SLC16A6: variants seen among roughly 807,000 people sequenced by gnomAD.
SLC16A6 encodes monocarboxylate transporter 7.
A neutral mutation model predicts 33.8 loss-of-function variants in SLC16A6; 15 were observed. The ratio of observed to expected loss-of-function variants is 0.44; its 90% CI spans 0.30 to 0.68. The LOEUF is 0.68. Among genes scored for constraint, SLC16A6 ranks in the 30% least tolerant of loss-of-function variants. SLC16A6 has a pLI of 0.10. For missense variants in SLC16A6, 451 were observed against 661.5 expected (o/e 0.68, Z 3.49); for synonymous variants, 219 against 248.4 (o/e 0.88, Z 1.11).
intron 1 of SLC16A6, among the ~76,000 whole-genome samples, chr17:68,285,868 C>A (rs1200372129): frequency 6.6e-6 from 1 of 151,882 alleles, no homozygotes; most frequent in East Asian, 1.9e-4. Flanking sequence ...TCAAGCAATT[C>A]TTTGCGTCAG....
At position 68,271,771 on chromosome 17, in the gene SLC16A6, T is replaced by G. The variant is rs2075347833; in HGVS notation, c.506-117A>C. The G allele has an allele frequency of 1.4e-6, 1 of 739,162 alleles. No individual in the cohort carries two copies. Among genetic ancestry groups the G allele is most frequent in the Non-Finnish European group, 2.2e-6 (1 of 450,888 alleles). The allele number at this position is 739,162 out of a possible 1,614,324, so 45.8% of individuals were successfully genotyped here. ...ATTTTGTTATAAGTTCTGTGGAAAT[T>G]TATTATACTCAGCAGTATGAATGTA... On this transcript the variant is annotated intron_variant, in intron 4 of 5. Coordinates refer to ENST00000580666, the MANE Select transcript of SLC16A6 (RefSeq NM_004694.5). This position sits in a 1 kb window ranked among gnomAD's most constrained non-coding sequence, Gnocchi z 5.3.
chr17:68,271,366 A>C lies in SLC16A6; in HGVS notation c.794T>G (p.Met265Arg), dbSNP rs782651895. Residue 265 changes from methionine to arginine, a missense_variant, in exon 5 of 6, where the codon ATG (methionine) becomes AGG (arginine). Physicochemically the swap from Met to Arg is moderately conservative, Grantham distance 91. This residue lies in a region of SLC16A6 where 405 missense variants were observed against 510.7 expected (regional missense o/e 0.79). Coordinates refer to ENST00000580666, the MANE Select transcript of SLC16A6 (RefSeq NM_004694.5). This position sits in a 1 kb window ranked among gnomAD's most constrained non-coding sequence, Gnocchi z 5.3. The part of the protein sequence containing the change: ...TNLELEPKAD[M>R]QQVLVKTSPR... Reference sequence around the variant, plus strand: ...GCTGGTCTTCACCAGGACCTGCTGCATGTCGGCCTTCGGCTCCAGTTCCAG... The same window carrying C: ...GCTGGTCTTCACCAGGACCTGCTGCCTGTCGGCCTTCGGCTCCAGTTCCAG... 1 of 1,614,138 alleles carries C rather than the reference A, an allele frequency of 6.2e-7. No individual in the cohort carries two copies. The highest frequency in any genetic ancestry group is 8.5e-7 in the Non-Finnish European group (1 of 1,180,064).
chr17:68,284,672 A>G (rs1301965825), intron 1 of SLC16A6, among the ~76,000 whole-genome samples: 3 of 152,238 alleles, frequency 2.0e-5, no homozygotes, highest in Non-Finnish European at 4.4e-5. Flanking sequence ...CTTAAAAAGC[A>G]GCAAATCTGA....
chr17:68,287,953 T>C (rs183208128), intron 1 of SLC16A6, among the ~76,000 whole-genome samples: 1 of 146,228 alleles, frequency 6.8e-6, no homozygotes. Flanking sequence ...CTCTCTCTCT[T>C]TCTCTCTCTC....
chr17:68,289,468 G>A (rs187719531), intron 1 of SLC16A6, among the ~76,000 whole-genome samples: 39 of 152,280 alleles, frequency 2.6e-4, no homozygotes, highest in African/African-American at 7.5e-4. Flanking sequence ...GTTTCAAAAC[G>A]CAGGCTCTGG....
At chr17:68,281,467 C>T (rs1599544138) in intron 1 of SLC16A6, among the ~76,000 whole-genome samples, 2 of 151,668 alleles carry the variant, frequency 1.3e-5, no homozygotes, top group African/African-American at 2.4e-5. Context: ...CCCAGCTACT[C>T]GCGAGGCTGA....
chr17:68,270,569 A>AC lies in SLC16A6; in HGVS notation c.1321+269_1321+270insG, dbSNP rs1405255613. On this transcript the variant is annotated intron_variant, in intron 5 of 5. Transcript: ENST00000580666. ...ACTCCATCTCAAAAAAAAAAAAAAA[A>AC]GGCCAGGGTCAATCTGGACTACAGA... is the stretch of plus-strand genomic sequence containing the variant. Among the ~76,000 whole-genome samples, 281 of 151,448 alleles carry AC rather than the reference A, an allele frequency of 1.9e-3. 1 individual carries two copies. The highest frequency in any genetic ancestry group is 6.5e-3 in the African/African-American group (270 of 41,318).
chr17:68,274,751 T>C (rs2075455904), intron 2 of SLC16A6, among the ~76,000 whole-genome samples: 1 of 151,498 alleles, frequency 6.6e-6, no homozygotes, highest in Non-Finnish European at 1.5e-5. Context: ...TTTAAAAAGC[T>C]CCATTTGGGG....
chr17:68,273,065 T>C (rs73998070), intron 3 of SLC16A6, among the ~76,000 whole-genome samples: 3 of 151,986 alleles, frequency 2.0e-5, no homozygotes, highest in Admixed American at 2.0e-4. Flanking sequence ...TGCATGAAAT[T>C]TTATATAAGA....
rs1364933430 is a variant in SLC16A6, at chr17:68,269,070, A to C, written c.*26T>G. On this transcript the variant is annotated 3_prime_UTR_variant, in exon 6 of 6. Transcript: ENST00000580666. Reference sequence around the variant, plus strand: ...CACCCCATCCCTCTCCAGCCAACACAGTGGCTGTTGTTGTAAGAAAGTGTG... The same window carrying C: ...CACCCCATCCCTCTCCAGCCAACACCGTGGCTGTTGTTGTAAGAAAGTGTG... 1 of 1,578,474 alleles carries C rather than the reference A, an allele frequency of 6.3e-7. No homozygotes were observed. Among genetic ancestry groups the C allele is most frequent in the African/African-American group, 1.4e-5 (1 of 73,276 alleles).
At chr17:68,275,234 T>A (rs1555750516) in intron 2 of SLC16A6, among the ~76,000 whole-genome samples, 1 of 152,210 alleles carries the variant, frequency 6.6e-6, no homozygotes, top group African/African-American at 2.4e-5. Context: ...CAAATTAGTT[T>A]CCTAGTTATA....
intron 1 of SLC16A6, among the ~76,000 whole-genome samples, chr17:68,282,283 A>G (rs1218882827): frequency 2.6e-5 from 4 of 151,886 alleles, no homozygotes; most frequent in Admixed American, 2.6e-4. Flanking sequence ...GTTCTCACTC[A>G]TAGGTGGGAA....
intron 1 of SLC16A6, among the ~76,000 whole-genome samples, chr17:68,287,836 G>A (rs1174843681): frequency 6.6e-6 from 1 of 152,060 alleles, no homozygotes; most frequent in Non-Finnish European, 1.5e-5. Context: ...TCATGCACAG[G>A]TCTTTCCTTA....
At chr17:68,277,855 A>G (rs2075574203) in intron 2 of SLC16A6, among the ~76,000 whole-genome samples, 1 of 152,182 alleles carries the variant, frequency 6.6e-6, no homozygotes, top group Non-Finnish European at 1.5e-5. Context: ...TGTTTAATAC[A>G]TGTGTGTTAA....
At chr17:68,280,911 G>A (rs2075674024) in intron 1 of SLC16A6, among the ~76,000 whole-genome samples, 1 of 152,080 alleles carries the variant, frequency 6.6e-6, no homozygotes, top group Non-Finnish European at 1.5e-5. Flanking sequence ...GATTACCTGA[G>A]CTAAGGCGTT....
In SLC16A6 at chr17:68,272,718, T is replaced by C. The variant is rs2075381932; in HGVS notation, c.426A>G (p.Gln142=). ...CTATGGAACGTCTTTTGCCAAAATA[T>C]TGTGATAGGATGGTTACAGTTGGGA... ...SFLPTVTILS[Q]YFGKRRSIVT... The change falls in exon 4 of 6, where the codon CAA becomes CAG. Residue 142 remains glutamine, a synonymous_variant. Transcript: ENST00000580666. The C allele has an allele frequency of 1.2e-6, 2 of 1,614,062 alleles. No individual in the cohort carries two copies. The highest frequency in any genetic ancestry group is 1.1e-5 in the South Asian group (1 of 91,080).
chr17:68,289,645 A>T (rs559703717), intron 1 of SLC16A6, among the ~76,000 whole-genome samples: 100 of 152,278 alleles, frequency 6.6e-4, no homozygotes, highest in African/African-American at 2.0e-3. Context: ...TTCTCTATTT[A>T]AAAAAAATTT....
rs1555749342 is a variant in SLC16A6, at chr17:68,272,636, T to C, written c.505+3A>G. ...CATACTTAGGCTGTTGTAGTCCACC[T>C]ACCTGGTGCGAAAGCAAACACAGCG... On this transcript the variant is annotated splice_donor_region_variant and intron_variant, in intron 4 of 5. Transcript: ENST00000580666. The C allele has an allele frequency of 1.2e-6, 2 of 1,613,898 alleles. No individual in the cohort carries two copies. Among genetic ancestry groups the C allele is most frequent in the East Asian group, 2.2e-5 (1 of 44,876 alleles).
intron 1 of SLC16A6, among the ~76,000 whole-genome samples, chr17:68,283,411 C>G (rs1281046986): frequency 6.6e-6 from 1 of 152,022 alleles, no homozygotes; most frequent in African/African-American, 2.4e-5. Context: ...GTCCCAGCTA[C>G]TCCGGAGGCT....
Sources: allele counts gnomAD v4.1 joint callset (sites outside exome capture counted in the v4.1 genomes callset), GRCh38; gene constraint gnomAD v4.1.1; regional missense constraint gnomAD v4.1.1; non-coding constraint Gnocchi (gnomAD v3.1); transcripts MANE v1.5; gene names NCBI Gene and HGNC (gene_info 2026-07-23, HGNC 2026-07-21).